The following STEAP1B variants were observed in gnomAD, a reference collection of about 807,000 sequenced individuals.
STEAP1B encodes the protein STEAP family protein MGC87042.
In STEAP1B, 13 loss-of-function variants were observed where a neutral mutation model predicts 27.9. The observed-to-expected ratio is 0.47, with a 90% confidence interval of 0.30 to 0.74. The LOEUF is 0.74. Among genes scored for constraint, STEAP1B ranks in the 30% least tolerant of loss-of-function variants. The pLI, the probability that STEAP1B is intolerant of heterozygous loss-of-function variation, is 0.06. For missense variants in STEAP1B, 250 were observed against 298.7 expected, an observed-to-expected ratio of 0.84 and a Z score of 1.20; for synonymous variants, 86 against 107.1, an observed-to-expected ratio of 0.80 and a Z score of 1.22.
intron 4 of STEAP1B, among the ~76,000 whole-genome samples, chr7:22,490,885 A>C (rs1356321153): frequency 6.6e-6 from 1 of 152,220 alleles, no homozygotes; most frequent in Non-Finnish European, 1.5e-5. Context: ...TAAAGAGCCA[A>C]ATTCTCTCAG....
intron 4 of STEAP1B, among the ~76,000 whole-genome samples, chr7:22,429,730 C>T (rs1417134212): frequency 1.3e-5 from 2 of 152,000 alleles, no homozygotes; most frequent in Non-Finnish European, 2.9e-5. Flanking sequence ...TATTTTTAGA[C>T]CACAGTTTAC....
chr7:22,480,809 C>A (rs1786055934), intron 4 of STEAP1B, among the ~76,000 whole-genome samples: 1 of 152,178 alleles, frequency 6.6e-6, no homozygotes, highest in African/African-American at 2.4e-5. Flanking sequence ...CTACAGCATG[C>A]CTACACAGAC....
intron 4 of STEAP1B, among the ~76,000 whole-genome samples, chr7:22,442,414 C>T (rs957706894): frequency 2.6e-5 from 4 of 152,246 alleles, no homozygotes; most frequent in Admixed American, 1.3e-4. Context: ...CACTAAAAAC[C>T]GGATACTCTC....
rs963956088 is a variant in STEAP1B at position 22,463,058 on chromosome 7, T to C, written c.762+29507A>G. On this transcript the variant is annotated intron_variant, in intron 4 of 4. Transcript: ENST00000678116. ...TTGAGAAGTGTCTGTTCATGTCCTT[T>C]GCCCACTTTTTGATGGGGTTGTTTG... Among the ~76,000 whole-genome samples the C allele has an allele frequency of 7.3e-4, 111 of 152,326 alleles. 1 individual carries two copies. Among genetic ancestry groups the C allele is most frequent in the African/African-American group, 2.2e-3 (91 of 41,570 alleles).
At chr7:22,431,835 A>G (rs1434490108) in intron 4 of STEAP1B, among the ~76,000 whole-genome samples, 1 of 152,160 alleles carries the variant, frequency 6.6e-6, no homozygotes, top group Non-Finnish European at 1.5e-5. Flanking sequence ...CCACCCTTCC[A>G]GCTCCAGCTC....
chr7:22,490,346 TATGTAA>T (rs1317984454), intron 4 of STEAP1B, among the ~76,000 whole-genome samples: 3 of 152,198 alleles, frequency 2.0e-5, no homozygotes, highest in Non-Finnish European at 2.9e-5. Flanking sequence ...ATTATGCCTC[TATGTAA>T]GCCCTCTTTT....
intron 4 of STEAP1B, among the ~76,000 whole-genome samples, chr7:22,486,039 G>T (rs1786202754): frequency 6.6e-6 from 1 of 152,194 alleles, no homozygotes; most frequent in Non-Finnish European, 1.5e-5. Flanking sequence ...CTCAAACTCG[G>T]TTGCACATTA....
rs533776937 is a variant in STEAP1B at position 22,489,128 on chromosome 7, C to T, written c.762+3437G>A. 7.9e-5 allele frequency among the ~76,000 whole-genome samples: 12 copies of T among 152,030 alleles called. No homozygotes were observed. In the East Asian group the frequency reaches 1.4e-3, roughly 17 times the overall value. On this transcript the variant is annotated intron_variant, in intron 4 of 4. Transcript: ENST00000678116. ...CGAGTTCTCGCCATAGAGGCAGCAT[C>T]GCCTGCACGTGACTTCACAAAAGAA...
intron 4 of STEAP1B, among the ~76,000 whole-genome samples, chr7:22,430,086 A>T (rs1242232603): frequency 6.6e-6 from 1 of 152,212 alleles, no homozygotes; most frequent in Non-Finnish European, 1.5e-5. Flanking sequence ...CTGGTTGTGG[A>T]TATGTGGGCA....
chr7:22,481,524 C>G (rs987983532), intron 4 of STEAP1B, among the ~76,000 whole-genome samples: 2 of 152,156 alleles, frequency 1.3e-5, no homozygotes, highest in African/African-American at 4.8e-5. Flanking sequence ...GTCAGAAATG[C>G]AGAGTATCAG....
intron 4 of STEAP1B, among the ~76,000 whole-genome samples, chr7:22,470,236 AATAT>A (rs1249332083): frequency 6.6e-6 from 1 of 152,176 alleles, no homozygotes; most frequent in Non-Finnish European, 1.5e-5. Context: ...CCATAAAACA[AATAT>A]ATAAAGGATG....
At chr7:22,493,860 T>C in intron 2 of STEAP1B, 24 bp from the exon 3 acceptor site, 1 of 1,554,502 alleles carries the variant, frequency 6.4e-7, no homozygotes, top group South Asian at 1.2e-5. Context: ...AAAATTAACA[T>C]CTTAAAATTG....
intron 4 of STEAP1B, among the ~76,000 whole-genome samples, chr7:22,432,551 G>A (rs1785201564): frequency 6.6e-6 from 1 of 152,054 alleles, no homozygotes; most frequent in South Asian, 2.1e-4. Flanking sequence ...CTCCAGCCTG[G>A]GCAACAGAGT....
chr7:22,492,908 C>CT (rs1003027362), intron 3 of STEAP1B, among the ~76,000 whole-genome samples, 179 bp from the exon 4 acceptor site: 5 of 152,080 alleles, frequency 3.3e-5, no homozygotes, highest in East Asian at 1.9e-4. Context: ...GGAGCTATCA[C>CT]TTTTTTTCTT....
chr7:22,445,202 G>A (rs1785391304), intron 4 of STEAP1B, among the ~76,000 whole-genome samples: 1 of 152,252 alleles, frequency 6.6e-6, no homozygotes, highest in Admixed American at 6.5e-5. Flanking sequence ...AATCAGCTCT[G>A]CAGATGACAG....
intron 4 of STEAP1B, among the ~76,000 whole-genome samples, chr7:22,453,184 G>A (rs1360310493): frequency 2.0e-5 from 3 of 152,068 alleles, no homozygotes; most frequent in African/African-American, 2.4e-5. Flanking sequence ...GGCTTTCCTC[G>A]TATGAAACTC....
rs73085122 is a variant in STEAP1B at position 22,481,067 on chromosome 7, G to A, written c.762+11498C>T. Among the ~76,000 whole-genome samples, 10 of 152,318 alleles carry A rather than the reference G, an allele frequency of 6.6e-5. No homozygotes were observed. In the South Asian group the frequency reaches 1.9e-3, roughly 28 times the overall value. ...ACAGATACATCCAAAGGCTCTGTGA[G>A]GGGAGGTCACTGGATGTCCTCGTTT... On this transcript the variant is annotated intron_variant, in intron 4 of 4. Transcript: ENST00000678116.
chr7:22,437,009 A>T (rs1452191172), intron 4 of STEAP1B, among the ~76,000 whole-genome samples: 1 of 152,222 alleles, frequency 6.6e-6, no homozygotes, highest in African/African-American at 2.4e-5. Flanking sequence ...GACAAATGGG[A>T]TCTAATTAAA....
chr7:22,438,198 G>T (rs542754969), intron 4 of STEAP1B, among the ~76,000 whole-genome samples: 2 of 152,164 alleles, frequency 1.3e-5, no homozygotes, highest in South Asian at 2.1e-4. Flanking sequence ...CCTTGTTGTT[G>T]TTGGGTTCCC....
Sources: allele counts gnomAD v4.1 joint callset (sites outside exome capture counted in the v4.1 genomes callset), GRCh38; gene constraint gnomAD v4.1.1; transcripts MANE v1.5; gene names NCBI Gene and HGNC (gene_info 2026-07-23, HGNC 2026-07-21).